Variants in SNTB2 observed in about 807,000 individuals in gnomAD.
SNTB2 encodes beta-2-syntrophin.
SNTB2 carries 34 observed loss-of-function variants against 46.2 expected under a neutral mutation model. The observed-to-expected ratio is 0.74, with a 90% confidence interval of 0.56 to 0.98. The LOEUF (loss-of-function observed/expected upper bound fraction) is 0.98, where lower values mean the gene tolerates loss of function less well. SNTB2 is among the 50% of genes least tolerant of loss of function. SNTB2 has a pLI of 0.00. For synonymous variants in SNTB2, 290 were observed against 312.6 expected, an observed-to-expected ratio of 0.93 and a Z score of 0.76; for missense variants, 603 against 731.4, an observed-to-expected ratio of 0.82 and a Z score of 2.02.
At position 69,307,188 on chromosome 16, in the gene SNTB2, A is replaced by C. The variant is rs1485978472; in HGVS notation, c.*6264A>C. On this transcript the variant is annotated 3_prime_UTR_variant, in exon 7 of 7. Transcript: ENST00000336278. Reference sequence around the variant, plus strand: ...ATAATCCGTTATTTCTCAGCACACCATGCCATCTGTTTATCATTCAGCAGT... The same window carrying C: ...ATAATCCGTTATTTCTCAGCACACCCTGCCATCTGTTTATCATTCAGCAGT... 1 of 152,222 alleles carries C rather than the reference A, an allele frequency of 6.6e-6. No homozygotes were observed. Among genetic ancestry groups the C allele is most frequent in the Non-Finnish European group, 1.5e-5 (1 of 68,034 alleles). 9.4% of individuals were successfully genotyped at this position (152,222 alleles called of 1,614,324 possible). A position where few individuals can be genotyped will look rare whatever the true frequency, so the allele number is the denominator to read the frequency against.
intron 4 of SNTB2, 23 bp from the exon 5 acceptor site, chr16:69,284,025 C>A (rs1156260903): frequency 6.4e-7 from 1 of 1,572,582 alleles, no homozygotes; most frequent in African/African-American, 1.4e-5. Flanking sequence ...TACTTTTGAT[C>A]TCTGCTCTGT....
At chr16:69,250,616 C>T (rs1179244851) in intron 2 of SNTB2, among the ~76,000 whole-genome samples, 2 of 152,122 alleles carry the variant, frequency 1.3e-5, no homozygotes, top group Non-Finnish European at 2.9e-5. Flanking sequence ...TATAAAATAA[C>T]TCAGGGCTGG....
At chr16:69,260,582 C>T (rs1964825216) in intron 3 of SNTB2, among the ~76,000 whole-genome samples, 1 of 152,146 alleles carries the variant, frequency 6.6e-6, no homozygotes, top group South Asian at 2.1e-4. Context: ...CTAACTTTTT[C>T]TGTAAAGGGC....
chr16:69,289,916 T>C (rs2143175754), intron 5 of SNTB2, among the ~76,000 whole-genome samples: 1 of 152,264 alleles, frequency 6.6e-6, no homozygotes, highest in Non-Finnish European at 1.5e-5. Context: ...AACAAGACCC[T>C]GTCTCAAAAG....
chr16:69,285,646 A>AT (rs1386874756), intron 5 of SNTB2, among the ~76,000 whole-genome samples: 1 of 149,330 alleles, frequency 6.7e-6, no homozygotes, highest in African/African-American at 2.5e-5. Context: ...CACCCAGCTA[A>AT]TTAAAAAAAA....
intron 2 of SNTB2, among the ~76,000 whole-genome samples, chr16:69,248,832 T>TA (rs1319070773): frequency 6.8e-6 from 1 of 147,648 alleles, no homozygotes; most frequent in Non-Finnish European, 1.5e-5. Flanking sequence ...AAAAAAGAGA[T>TA]ACATTTATAC....
intron 4 of SNTB2, among the ~76,000 whole-genome samples, chr16:69,278,014 T>G (rs1205296927): frequency 6.6e-6 from 1 of 152,132 alleles, no homozygotes; most frequent in African/African-American, 2.4e-5. Context: ...AGACCTTATC[T>G]CTACACAAAA....
At chr16:69,247,061 T>C (rs1324036197) in intron 2 of SNTB2, among the ~76,000 whole-genome samples, 2 of 146,502 alleles carry the variant, frequency 1.4e-5, no homozygotes, top group Admixed American at 1.4e-4. Flanking sequence ...AAAAAATATA[T>C]ATATATATTA....
chr16:69,243,278 C>G (rs1964636131), intron 1 of SNTB2, among the ~76,000 whole-genome samples: 1 of 152,124 alleles, frequency 6.6e-6, no homozygotes, highest in Non-Finnish European at 1.5e-5. Context: ...AGGACTGAAA[C>G]AGAAGACTGT....
chr16:69,259,993 G>A (rs1964820021), intron 2 of SNTB2, 57 bp from the exon 3 acceptor site: 35 of 1,249,968 alleles, frequency 2.8e-5, no homozygotes, highest in Non-Finnish European at 3.0e-5. Flanking sequence ...TTTTAAACCT[G>A]GCAGGTTTGG....
intron 3 of SNTB2, among the ~76,000 whole-genome samples, chr16:69,267,714 G>C (rs1002193594): frequency 1.3e-5 from 2 of 152,226 alleles, no homozygotes. Flanking sequence ...CGTGGCCTTG[G>C]CTAAGAGAAG....
chr16:69,253,708 T>C (rs1314837299), intron 2 of SNTB2, among the ~76,000 whole-genome samples: 3 of 152,150 alleles, frequency 2.0e-5, no homozygotes, highest in Non-Finnish European at 2.9e-5. Context: ...ACTCACTATC[T>C]ATTCTCATCT....
intron 1 of SNTB2, among the ~76,000 whole-genome samples, chr16:69,202,651 C>T (rs555699133): frequency 5.3e-5 from 8 of 152,312 alleles, no homozygotes; most frequent in African/African-American, 1.4e-4. Context: ...TCTTGGTTCA[C>T]TGCAACCTCT....
chr16:69,225,130 C>G (rs1183216117), intron 1 of SNTB2, among the ~76,000 whole-genome samples: 1 of 152,200 alleles, frequency 6.6e-6, no homozygotes, highest in Non-Finnish European at 1.5e-5. Context: ...CTGGCAGTAA[C>G]TTACAGGATT....
At chr16:69,233,364 T>C (rs1964525846) in intron 1 of SNTB2, among the ~76,000 whole-genome samples, 1 of 152,096 alleles carries the variant, frequency 6.6e-6, no homozygotes, top group South Asian at 2.1e-4. Context: ...ATAAAAGCAT[T>C]AAGAGACATG....
At chr16:69,222,534 A>G (rs1964415818) in intron 1 of SNTB2, among the ~76,000 whole-genome samples, 1 of 151,646 alleles carries the variant, frequency 6.6e-6, no homozygotes, top group African/African-American at 2.4e-5. Context: ...TGGAGGTTGC[A>G]GTAAGCTGAG....
intron 1 of SNTB2, among the ~76,000 whole-genome samples, chr16:69,223,884 C>T (rs948613718): frequency 6.6e-6 from 1 of 152,188 alleles, no homozygotes; most frequent in Non-Finnish European, 1.5e-5. Flanking sequence ...CCCGCCTCAG[C>T]CTCCCGAAGT....
At chr16:69,294,554 T>A (rs1567417004) in intron 5 of SNTB2, among the ~76,000 whole-genome samples, 1 of 149,646 alleles carries the variant, frequency 6.7e-6, no homozygotes, top group Non-Finnish European at 1.5e-5. Flanking sequence ...CAAAACCCTA[T>A]CTCTACTGAA....
At chr16:69,250,088 T>G (rs9929748) in intron 2 of SNTB2, among the ~76,000 whole-genome samples, 1 of 151,992 alleles carries the variant, frequency 6.6e-6, no homozygotes, top group Non-Finnish European at 1.5e-5. Flanking sequence ...CAAAAAAAAA[T>G]TTTTAAAAAT....
Sources: gnomAD v4.1 joint callset for allele counts (sites outside exome capture counted in the v4.1 genomes callset) on GRCh38, gnomAD v4.1.1 for gene constraint, MANE v1.5 for transcripts, NCBI Gene and HGNC (gene_info 2026-07-23, HGNC 2026-07-21) for gene names.